Variants in AUH observed in about 807,000 individuals in gnomAD.
AUH encodes AU RNA binding methylglutaconyl-CoA hydratase.
In AUH, 29 loss-of-function variants were observed where a neutral mutation model predicts 42.3. That is an observed-to-expected ratio of 0.69 (90% CI 0.51 to 0.93). AUH has a LOEUF of 0.93. AUH is among the 40% of genes least tolerant of loss of function. AUH has a pLI of 0.00. For missense variants in AUH, 452 were observed against 438.1 expected (o/e 1.03, Z -0.28); for synonymous variants, 174 against 166.4 (o/e 1.05, Z -0.35).
chr9:91,264,479 G>A (rs899523479), intron 6 of AUH, among the ~76,000 whole-genome samples: 1 of 152,102 alleles, frequency 6.6e-6, no homozygotes, highest in African/African-American at 2.4e-5. Context: ...CTGTTTTCTG[G>A]ACTATTGTAT....
chr9:91,241,175 T>A (rs1223579074), intron 6 of AUH, among the ~76,000 whole-genome samples: 1 of 152,134 alleles, frequency 6.6e-6, no homozygotes, highest in Non-Finnish European at 1.5e-5. Context: ...CTATCCCAGG[T>A]ACATGGAAAC....
chr9:91,293,757 A>G (rs1357141845), intron 6 of AUH, among the ~76,000 whole-genome samples: 1 of 152,234 alleles, frequency 6.6e-6, no homozygotes, highest in Admixed American at 6.5e-5. Flanking sequence ...AGGTGCCTAC[A>G]CTGAATAACA....
At chr9:91,275,685 AACTT>A (rs1825485492) in intron 6 of AUH, among the ~76,000 whole-genome samples, 1 of 152,212 alleles carries the variant, frequency 6.6e-6, no homozygotes, top group South Asian at 2.1e-4. Context: ...GAAATCCCAT[AACTT>A]ATCACCCAAA....
chr9:91,324,291 C>T (rs1829806206), intron 4 of AUH, among the ~76,000 whole-genome samples: 1 of 151,892 alleles, frequency 6.6e-6, no homozygotes, highest in African/African-American at 2.4e-5. Context: ...TCGCTTGAGG[C>T]AGGAGTTCAA....
At chr9:91,332,457 G>A (rs921718785) in intron 3 of AUH, among the ~76,000 whole-genome samples, 9 of 152,094 alleles carry the variant, frequency 5.9e-5, no homozygotes, top group African/African-American at 1.9e-4. Flanking sequence ...AGCCAAAATC[G>A]CACCACTGCA....
chr9:91,336,879 A>G (rs1365128968), intron 3 of AUH, among the ~76,000 whole-genome samples: 2 of 152,210 alleles, frequency 1.3e-5, no homozygotes, highest in African/African-American at 2.4e-5. Flanking sequence ...GAGGACAGCC[A>G]TATTCTTTGC....
At chr9:91,344,973 C>A (rs1831377178) in intron 3 of AUH, among the ~76,000 whole-genome samples, 2 of 147,920 alleles carry the variant, frequency 1.4e-5, no homozygotes, top group African/African-American at 2.5e-5. Context: ...TAATAGATGC[C>A]AAAAAGAGAT....
At chr9:91,269,201 G>A (rs1216248912) in intron 6 of AUH, among the ~76,000 whole-genome samples, 2 of 151,994 alleles carry the variant, frequency 1.3e-5, no homozygotes, top group East Asian at 1.9e-4. Context: ...GGCTGGTCTC[G>A]AACTCCTGAC....
At chr9:91,321,117 T>A (rs1829536207) in intron 4 of AUH, among the ~76,000 whole-genome samples, 1 of 152,196 alleles carries the variant, frequency 6.6e-6, no homozygotes, top group Admixed American at 6.5e-5. Flanking sequence ...TTGACCAATA[T>A]CAATACTGAT....
intron 6 of AUH, among the ~76,000 whole-genome samples, chr9:91,261,204 T>C (rs1046038227): frequency 6.6e-6 from 1 of 152,188 alleles, no homozygotes; most frequent in Non-Finnish European, 1.5e-5. Context: ...TTTTGTTCTG[T>C]GCTGGATTAT....
chr9:91,325,567 A>G (rs1450757558), intron 3 of AUH, among the ~76,000 whole-genome samples, 163 bp from the exon 4 acceptor site: 2 of 152,218 alleles, frequency 1.3e-5, no homozygotes, highest in Non-Finnish European at 2.9e-5. Flanking sequence ...ACCATGTTCA[A>G]CAAGAATAAA....
At chr9:91,318,446 T>C (rs1829322400) in intron 4 of AUH, among the ~76,000 whole-genome samples, 1 of 152,198 alleles carries the variant, frequency 6.6e-6, no homozygotes, top group African/African-American at 2.4e-5. Context: ...CTCCCCTCCC[T>C]TTCCCACCTT....
intron 4 of AUH, among the ~76,000 whole-genome samples, chr9:91,322,060 A>G (rs1220040146): frequency 6.6e-6 from 1 of 152,248 alleles, no homozygotes; most frequent in Non-Finnish European, 1.5e-5. Context: ...GTCTGGAATC[A>G]TCACAGTAAG....
At chr9:91,261,915 T>C (rs1353364618) in intron 6 of AUH, among the ~76,000 whole-genome samples, 1 of 152,238 alleles carries the variant, frequency 6.6e-6, no homozygotes, top group Non-Finnish European at 1.5e-5. Flanking sequence ...AAGGGTACTT[T>C]TGAATTAGAC....
intron 4 of AUH, among the ~76,000 whole-genome samples, chr9:91,319,676 C>T (rs1013963169): frequency 6.6e-6 from 1 of 152,184 alleles, no homozygotes; most frequent in Non-Finnish European, 1.5e-5. Flanking sequence ...TGGGAAGGTG[C>T]CTCAAGTAGG....
intron 3 of AUH, among the ~76,000 whole-genome samples, chr9:91,347,725 T>C (rs2087207150): frequency 6.6e-6 from 1 of 151,864 alleles, no homozygotes; most frequent in Non-Finnish European, 1.5e-5. Context: ...AAATATAAGA[T>C]ATAAAAACTA....
intron 4 of AUH, among the ~76,000 whole-genome samples, chr9:91,312,694 C>G (rs1828797520): frequency 6.6e-6 from 1 of 152,166 alleles, no homozygotes; most frequent in Non-Finnish European, 1.5e-5. Flanking sequence ...CCACTGCACT[C>G]CAGCCTGAGC....
In AUH at chr9:91,214,379, T is replaced by C; in HGVS notation, c.989A>G (p.Glu330Gly). Residue 330 changes from glutamate (E) to glycine (G), a missense_variant, in exon 10 of 10, where the codon GAG becomes GGG. By Grantham distance (98) the Glu-to-Gly change is moderately conservative. Transcript: ENST00000375731. ...TCCTTTATAGCGAGGGGGCCTTTTCTCTTTAAAAGCAAGAAGACCTTCAAG... is the reference window on the plus strand; with the variant it reads ...TCCTTTATAGCGAGGGGGCCTTTTCCCTTTAAAAGCAAGAAGACCTTCAAG... ...DRLEGLLAFK[E>G]KRPPRYKGE The C allele has an allele frequency of 6.2e-7, 1 of 1,610,694 alleles. No homozygotes were observed. The highest frequency in any genetic ancestry group is 1.1e-5 in the South Asian group (1 of 90,712).
At chr9:91,357,617 A>G (rs1432793920) in intron 1 of AUH, 3 of 558,728 alleles carry the variant, frequency 5.4e-6, no homozygotes, top group Non-Finnish European at 4.5e-6. Flanking sequence ...GTGGTGCTAC[A>G]GTAACTTGTA....
Sources: gnomAD v4.1 joint callset for allele counts (sites outside exome capture counted in the v4.1 genomes callset) on GRCh38, gnomAD v4.1.1 for gene constraint, MANE v1.5 for transcripts, NCBI Gene and HGNC (gene_info 2026-07-23, HGNC 2026-07-21) for gene names.